The following SMARCA2 variants were observed in gnomAD, a reference collection of about 807,000 sequenced individuals.
SMARCA2 encodes the protein SWI/SNF related BAF chromatin remodeling complex subunit ATPase 2.
In SMARCA2, 61 loss-of-function variants were observed where a neutral mutation model predicts 199.8. The observed-to-expected ratio is 0.31, with a 90% CI of 0.25 to 0.38. The LOEUF (loss-of-function observed/expected upper bound fraction) is 0.38, where lower values mean the gene tolerates loss of function less well. SMARCA2 is among the 10% of genes least tolerant of loss of function. The probability of loss-of-function intolerance (pLI) is 1.00; values close to 1 mark genes in which losing one functional copy is unlikely to be tolerated. For missense variants in SMARCA2, 1,344 were observed against 2,012.2 expected, an observed-to-expected ratio of 0.67 and a Z score of 6.35; for synonymous variants, 935 against 732.0, an observed-to-expected ratio of 1.28 and a Z score of -4.48.
intron 28 of SMARCA2, among the ~76,000 whole-genome samples, chr9:2,165,375 T>G (rs1394515329): frequency 3.3e-5 from 5 of 152,202 alleles, no homozygotes; most frequent in Admixed American, 2.0e-4. Flanking sequence ...GTGTGTTCGT[T>G]GCTTTTTAGT....
Position 2,115,524 on chromosome 9 carries a change from A to G in SMARCA2, c.3457-298A>G, listed in dbSNP as rs563763703. 1.9e-4 allele frequency among the ~76,000 whole-genome samples: 29 copies of G among 152,308 alleles called. No homozygotes were observed. The South Asian group carries it at 2.9e-3, about 15-fold the overall frequency. Reference sequence around the variant, plus strand: ...ACATTGGTGTCTTGTTTAATGTTTTAGATATGGACTAAATCTGATGGGGAA... The same window carrying G: ...ACATTGGTGTCTTGTTTAATGTTTTGGATATGGACTAAATCTGATGGGGAA... On this transcript the variant is annotated intron_variant, in intron 24 of 33. Coordinates refer to ENST00000349721, the MANE Select transcript of SMARCA2 (RefSeq NM_003070.5). The surrounding 1 kb of genome is among the most constrained non-coding windows in gnomAD (Gnocchi z 6.0).
At chr9:2,184,294 G>C (rs1464669128) in intron 31 of SMARCA2, among the ~76,000 whole-genome samples, 1 of 151,348 alleles carries the variant, frequency 6.6e-6, no homozygotes, top group African/African-American at 2.4e-5. Flanking sequence ...AGTACAGAGA[G>C]ATTCTGTGTA....
intron 28 of SMARCA2, among the ~76,000 whole-genome samples, chr9:2,166,092 A>C (rs568933251): frequency 6.6e-6 from 1 of 152,176 alleles, no homozygotes; most frequent in Non-Finnish European, 1.5e-5. Context: ...ACCTCAGAGA[A>C]TAAATCTGCT....
Position 2,191,227 on chromosome 9 carries a change from A to G in SMARCA2, c.4595-39A>G, listed in dbSNP as rs752628432. On this transcript the variant is annotated intron_variant, in intron 32 of 33. Transcript: ENST00000349721. ...CCACCTATACAAAGATCTCCTTGTG[A>G]TTACTCACTGGTGTCTATTTCATTT... is the stretch of plus-strand genomic sequence containing the variant. 29 of 1,603,234 alleles carry G rather than the reference A, an allele frequency of 1.8e-5. No homozygotes were observed. The East Asian group carries it at 4.7e-4, about 26-fold the overall frequency.
rs1444468386 is a variant in SMARCA2 at position 2,161,615 on chromosome 9, A to T, written c.3982-71A>T. The T allele has an allele frequency of 2.0e-6, 2 of 1,018,294 alleles. No homozygotes were observed. The highest frequency in any genetic ancestry group is 3.0e-6 in the Non-Finnish European group (2 of 667,704). The allele number at this position is 1,018,294 out of a possible 1,614,324, so 63.1% of individuals were successfully genotyped here. ...TTCTAATTGTTGGAGCTATATATAA[A>T]TATACACATACTTTTTTTGTCTTGG... On this transcript the variant is annotated intron_variant, in intron 27 of 33. Transcript: ENST00000349721. This position sits in a 1 kb window ranked among gnomAD's most constrained non-coding sequence, Gnocchi z 4.7.
intron 30 of SMARCA2, 81 bp from the exon 31 acceptor site, chr9:2,182,060 T>C (rs978008613): frequency 1.1e-6 from 1 of 922,890 alleles, no homozygotes; most frequent in East Asian, 2.4e-5. Flanking sequence ...AAAGGGAAAA[T>C]CAGGCTTTGT....
chr9:2,127,152 T>A (rs1046662723), intron 27 of SMARCA2, among the ~76,000 whole-genome samples: 1 of 152,192 alleles, frequency 6.6e-6, no homozygotes, highest in African/African-American at 2.4e-5. Context: ...CTTTTAATTG[T>A]CCTCTTAACA....
chr9:2,155,318 T>C (rs1825294745), intron 27 of SMARCA2, among the ~76,000 whole-genome samples: 1 of 152,176 alleles, frequency 6.6e-6, no homozygotes, highest in South Asian at 2.1e-4. Flanking sequence ...AGTCTTGCTC[T>C]GTTGCCCAGG....
intron 9 of SMARCA2, among the ~76,000 whole-genome samples, chr9:2,063,192 GA>G (rs1012079952): frequency 6.6e-6 from 1 of 152,100 alleles, no homozygotes; most frequent in Non-Finnish European, 1.5e-5. Flanking sequence ...GAAGGGGGAA[GA>G]AAAAAAGAAA....
intron 4 of SMARCA2, chr9:2,045,826 G>GACATAC (rs1554616586): frequency 6.9e-6 from 1 of 145,950 alleles, no homozygotes; most frequent in African/African-American, 2.5e-5. Flanking sequence ...TAACATCACA[G>GACATAC]ACACACACAC....
intron 5 of SMARCA2, among the ~76,000 whole-genome samples, chr9:2,051,320 C>T (rs1283253661): frequency 6.6e-6 from 1 of 152,102 alleles, no homozygotes; most frequent in Non-Finnish European, 1.5e-5. Context: ...TCTTTTGTGC[C>T]AGGGAATCAG....
chr9:2,184,407 C>T (rs1475526230), intron 31 of SMARCA2, among the ~76,000 whole-genome samples: 1 of 143,288 alleles, frequency 7.0e-6, no homozygotes, highest in African/African-American at 2.6e-5. Flanking sequence ...GGCTGGAATG[C>T]AGTGGTGCCA....
At chr9:2,181,789 G>A (rs958955162) in intron 30 of SMARCA2, 113 bp downstream of exon 30, 3 of 661,240 alleles carry the variant, frequency 4.5e-6, no homozygotes, top group Non-Finnish European at 8.2e-6. Context: ...CAGGGCTCGC[G>A]ACAGGAAAGG....
chr9:2,103,860 TATTCATTC>T, intron 22 of SMARCA2, 135 bp from the exon 23 acceptor site: 1 of 657,234 alleles, frequency 1.5e-6, no homozygotes, highest in Admixed American at 3.0e-5. Context: ...TTGGAGTTCA[TATTCATTC>T]ATTCATTCAT....
Position 2,115,053 on chromosome 9 carries a change from A to G in SMARCA2, c.3457-769A>G, listed in dbSNP as rs1175285280. 6.6e-6 allele frequency among the ~76,000 whole-genome samples: 1 copy of G among 152,136 alleles called. No homozygotes were observed. Among genetic ancestry groups the G allele is most frequent in the African/African-American group, 2.4e-5 (1 of 41,434 alleles). On this transcript the variant is annotated intron_variant, in intron 24 of 33. Coordinates refer to ENST00000349721, the MANE Select transcript of SMARCA2 (RefSeq NM_003070.5). This position sits in a 1 kb window ranked among gnomAD's most constrained non-coding sequence, Gnocchi z 6.0. ...TTGTTGAATGTTTCTTTTTTTAAAA[A>G]AAAAGCCATTAGAGAGAGTAAATTA...
At position 2,161,950 on chromosome 9, in the gene SMARCA2, G is replaced by T; in HGVS notation, c.4199+47G>T. ...CTTGATCATCTCTCACCAAGACGCC[G>T]AGTGGCGCTCCCTGAGGAGCAGGAG... On this transcript the variant is annotated intron_variant, in intron 28 of 33. Coordinates refer to ENST00000349721, the MANE Select transcript of SMARCA2 (RefSeq NM_003070.5). The surrounding 1 kb of genome is among the most constrained non-coding windows in gnomAD (Gnocchi z 4.7). 6.7e-7 allele frequency: 1 copy of T among 1,483,186 alleles called. No individual in the cohort carries two copies. The highest frequency in any genetic ancestry group is 1.2e-5 in the South Asian group (1 of 85,732). 91.9% of individuals were successfully genotyped at this position (1,483,186 alleles called of 1,614,324 possible). A position where few individuals can be genotyped will look rare whatever the true frequency, so the allele number is the denominator to read the frequency against.
At chr9:2,090,526 A>G (rs1412675821) in intron 19 of SMARCA2, among the ~76,000 whole-genome samples, 2 of 152,298 alleles carry the variant, frequency 1.3e-5, no homozygotes, top group South Asian at 2.1e-4. Context: ...AGTGAACTGG[A>G]AGATAAATGA....
chr9:2,141,522 C>A (rs1169426574), intron 27 of SMARCA2, among the ~76,000 whole-genome samples: 1 of 152,076 alleles, frequency 6.6e-6, no homozygotes, highest in East Asian at 1.9e-4. Flanking sequence ...TAGCCTGTAG[C>A]ATTGAACGTC....
Position 2,181,612 on chromosome 9 carries a change from C to A in SMARCA2, c.4295C>A (p.Ser1432Ter). 1 of 1,603,926 alleles carries A rather than the reference C, an allele frequency of 6.2e-7. No homozygotes were observed. Among genetic ancestry groups the A allele is most frequent in the Non-Finnish European group, 8.5e-7 (1 of 1,170,780 alleles). Residue 1432 changes from serine to a stop codon, truncating the protein, a stop_gained, in exon 30 of 34, where the codon TCA becomes TAA. Transcript: ENST00000349721. LOFTEE classifies it high-confidence loss of function. ...AGTGAAGTCTTCATTCAGTTACCTT[C>A]AAGGAAAGAATTACCAGAATACTAT... ...QLSEVFIQLP[S>*]RKELPEYYEL... is the part of the protein sequence containing the mutation.
Sources: allele counts gnomAD v4.1 joint callset (sites outside exome capture counted in the v4.1 genomes callset), GRCh38; gene constraint gnomAD v4.1.1; non-coding constraint Gnocchi (gnomAD v3.1); transcripts MANE v1.5; gene names NCBI Gene and HGNC (gene_info 2026-07-23, HGNC 2026-07-21).